Variants in DENND1B observed in about 807,000 individuals in gnomAD.
DENND1B encodes DENN domain containing 1B.
A neutral mutation model predicts 90.1 loss-of-function variants in DENND1B; 59 were observed. The ratio of observed to expected loss-of-function variants is 0.65; its 90% CI spans 0.53 to 0.81. DENND1B has a LOEUF of 0.81. DENND1B is among the 40% of genes least tolerant of loss of function. DENND1B has a pLI of 0.00. For missense variants in DENND1B, 862 were observed against 912.6 expected (o/e 0.94, Z 0.71); for synonymous variants, 337 against 324.6 (o/e 1.04, Z -0.41).
intron 15 of DENND1B, among the ~76,000 whole-genome samples, chr1:197,559,449 A>G (rs1671981822): frequency 6.6e-6 from 1 of 151,864 alleles, no homozygotes; most frequent in African/African-American, 2.4e-5. Flanking sequence ...GAAGCAACAC[A>G]ATAAACAAAT....
At chr1:197,765,204 AACC>A (rs1269912427) in intron 2 of DENND1B, among the ~76,000 whole-genome samples, 1 of 152,228 alleles carries the variant, frequency 6.6e-6, no homozygotes, top group Non-Finnish European at 1.5e-5. Flanking sequence ...CAGAAACGTG[AACC>A]AAGACATTAC....
At chr1:197,591,821 T>G (rs540869799) in intron 14 of DENND1B, among the ~76,000 whole-genome samples, 1 of 151,924 alleles carries the variant, frequency 6.6e-6, no homozygotes, top group African/African-American at 2.4e-5. Flanking sequence ...TCTTAAGAAG[T>G]GTATCACGGC....
intron 13 of DENND1B, among the ~76,000 whole-genome samples, chr1:197,598,637 T>C (rs1675923030): frequency 6.6e-6 from 1 of 151,862 alleles, no homozygotes; most frequent in Non-Finnish European, 1.5e-5. Context: ...TCCTAAGGCT[T>C]ATACTCACAC....
In DENND1B at chr1:197,510,271, C is replaced by T. The variant is rs917558681; in HGVS notation, c.*189G>A. ...CACACTAGTACCTGATTTAAAAGCACAGTAGAATTCGCTTTATATTTAAAA... is the reference window on the plus strand; with the variant it reads ...CACACTAGTACCTGATTTAAAAGCATAGTAGAATTCGCTTTATATTTAAAA... On this transcript the variant is annotated 3_prime_UTR_variant, in exon 23 of 23. Coordinates refer to ENST00000620048, the MANE Select transcript of DENND1B (RefSeq NM_001195215.2). 9.4e-6 allele frequency: 6 copies of T among 639,808 alleles called. No individual in the cohort carries two copies. Among genetic ancestry groups the T allele is most frequent in the Non-Finnish European group, 1.0e-5 (4 of 389,992 alleles). The allele number at this position is 639,808 out of a possible 1,614,324, so 39.6% of individuals were successfully genotyped here. A position where few individuals can be genotyped will look rare whatever the true frequency, so the allele number is the denominator to read the frequency against.
At chr1:197,618,790 A>G (rs1295775286) in intron 10 of DENND1B, among the ~76,000 whole-genome samples, 1 of 151,176 alleles carries the variant, frequency 6.6e-6, no homozygotes, top group Non-Finnish European at 1.5e-5. Context: ...AAAAAATCTG[A>G]AAATGAACCA....
chr1:197,557,787 C>T (rs1425077686), intron 15 of DENND1B, among the ~76,000 whole-genome samples: 1 of 151,668 alleles, frequency 6.6e-6, no homozygotes, highest in East Asian at 1.9e-4. Flanking sequence ...AGCTATTTTT[C>T]CCCCAAGTGG....
chr1:197,552,260 T>C, intron 16 of DENND1B: 1 of 983,352 alleles, frequency 1.0e-6, no homozygotes, highest in Non-Finnish European at 1.2e-6. Context: ...AGATACAGAA[T>C]ACAAGGATTT....
Position 197,707,875 on chromosome 1 carries a change from C to T in DENND1B, c.126+7156G>A, listed in dbSNP as rs1367922703. 5.3e-4 allele frequency among the ~76,000 whole-genome samples: 79 copies of T among 148,308 alleles called. 1 individual carries two copies. In the South Asian group the frequency reaches 0.015, roughly 29 times the overall value. ...GGCGCAGGCCAGTGTGTGTGCGCAC[C>T]GTGCGCGAGCCGAAGCAGGGCGAGG... is the stretch of plus-strand genomic sequence containing the variant. On this transcript the variant is annotated intron_variant, in intron 3 of 22. Coordinates refer to ENST00000620048, the MANE Select transcript of DENND1B (RefSeq NM_001195215.2).
chr1:197,719,043 TGAA>T (rs1389977153), intron 2 of DENND1B, among the ~76,000 whole-genome samples: 2 of 152,096 alleles, frequency 1.3e-5, no homozygotes, highest in Non-Finnish European at 2.9e-5. Context: ...AGATGATGAC[TGAA>T]GAATGGCAAC....
Position 197,511,935 on chromosome 1 carries a change from A to G in DENND1B, c.1608T>C (p.Ser536=). The part of the protein sequence containing the change: ...DDIERASKLS[S]EDGEEASAYL... ...AAGCAGAAGCTTCTTCACCATCTTC[A>G]GAAGATAACCTGAAGAAAAATAAAA... is the stretch of plus-strand genomic sequence containing the variant. Residue 536 remains serine (S), a synonymous_variant, in exon 22 of 23, where the codon TCT becomes TCC. Coordinates refer to ENST00000620048, the MANE Select transcript of DENND1B (RefSeq NM_001195215.2). 1 of 1,603,666 alleles carries G rather than the reference A, an allele frequency of 6.2e-7. No individual in the cohort carries two copies. Among genetic ancestry groups the G allele is most frequent in the Non-Finnish European group, 8.5e-7 (1 of 1,174,708 alleles).
intron 10 of DENND1B, among the ~76,000 whole-genome samples, chr1:197,626,153 A>G (rs1230003324): frequency 6.6e-6 from 1 of 152,136 alleles, no homozygotes; most frequent in Non-Finnish European, 1.5e-5. Flanking sequence ...AATTGAACTC[A>G]GCTCTGCACC....
Position 197,556,277 on chromosome 1 carries a change from G to A in DENND1B, c.1150-3165C>T, listed in dbSNP as rs139828596. 1.8e-4 allele frequency among the ~76,000 whole-genome samples: 28 copies of A among 152,008 alleles called. No homozygotes were observed. In the East Asian group the frequency reaches 5.4e-3, roughly 30 times the overall value. ...ACTATGTTCATTATCTGGGATATGA[G>A]ATTATTAGAAGCCCAAACCTCAGCA... On this transcript the variant is annotated intron_variant, in intron 15 of 22. Transcript: ENST00000620048.
At chr1:197,644,768 T>C (rs917982379) in intron 9 of DENND1B, among the ~76,000 whole-genome samples, 4 of 152,226 alleles carry the variant, frequency 2.6e-5, no homozygotes, top group Admixed American at 1.3e-4. Flanking sequence ...ATTGGCTTCT[T>C]GGACTTCCTT....
rs1656121697 is a variant in DENND1B at position 197,676,784 on chromosome 1, G to A, written c.127-2615C>T. Reference sequence around the variant, plus strand: ...ACTTCTACTATCATGTTAATGACTGGAAACAAGGACTGATGAAAATTTATA... The same window carrying A: ...ACTTCTACTATCATGTTAATGACTGAAAACAAGGACTGATGAAAATTTATA... On this transcript the variant is annotated intron_variant, in intron 3 of 22. Coordinates refer to ENST00000620048, the MANE Select transcript of DENND1B (RefSeq NM_001195215.2). Among the ~76,000 whole-genome samples, 4 of 152,170 alleles carry A rather than the reference G, an allele frequency of 2.6e-5. 1 individual carries two copies. In the South Asian group the frequency reaches 8.3e-4, roughly 32 times the overall value.
rs752659960 is a variant in DENND1B at position 197,540,064 on chromosome 1, T to A, written c.1415A>T (p.Glu472Val). Residue 472 changes from glutamate (E) to valine (V), a missense_variant, in exon 20 of 23, where the codon GAA becomes GTA. Glu to Val is a moderately radical substitution (Grantham distance 121). Coordinates refer to ENST00000620048, the MANE Select transcript of DENND1B (RefSeq NM_001195215.2). ...VKSKLKHKEN[E>V]EDYGTCSSSV... ...ACTAGAACAGGTCCCATAATCTTCT[T>A]CATTTTCCTACACATGAAAAAATAT... The A allele has an allele frequency of 6.2e-6, 10 of 1,604,050 alleles. No homozygotes were observed. The highest frequency in any genetic ancestry group is 8.5e-6 in the Non-Finnish European group (10 of 1,175,098).
intron 3 of DENND1B, among the ~76,000 whole-genome samples, chr1:197,698,219 C>A (rs982695570): frequency 6.6e-6 from 1 of 152,140 alleles, no homozygotes; most frequent in Admixed American, 6.6e-5. Context: ...AACAGTCTCT[C>A]AGACCACAGT....
chr1:197,685,546 T>C (rs1221907206), intron 3 of DENND1B: 1 of 152,190 alleles, frequency 6.6e-6, no homozygotes, highest in Non-Finnish European at 1.5e-5. Flanking sequence ...GAGATCCTAA[T>C]TATGTTCTGT....
chr1:197,773,789 A>C (rs1157519309), intron 1 of DENND1B, among the ~76,000 whole-genome samples: 1 of 152,316 alleles, frequency 6.6e-6, no homozygotes, highest in East Asian at 1.9e-4. Flanking sequence ...TTGCTGTTTA[A>C]ATCTCTCGTT....
chr1:197,558,576 A>AAT (rs1177200334), intron 15 of DENND1B, among the ~76,000 whole-genome samples: 8 of 151,726 alleles, frequency 5.3e-5, no homozygotes, highest in African/African-American at 1.7e-4. Context: ...ACATCAAAAT[A>AAT]ATATATATAT....
Sources: allele counts gnomAD v4.1 joint callset (sites outside exome capture counted in the v4.1 genomes callset), GRCh38; gene constraint gnomAD v4.1.1; transcripts MANE v1.5; gene names NCBI Gene and HGNC (gene_info 2026-07-23, HGNC 2026-07-21).